Variants in PHAX observed in about 807,000 individuals in gnomAD.
PHAX encodes the protein phosphorylated adapter RNA export protein.
Under a neutral mutation model 41.6 loss-of-function variants are expected in PHAX, and 31 were observed. The ratio of observed to expected loss-of-function variants is 0.75; its 90% confidence interval spans 0.56 to 1.01. The LOEUF is 1.01. Ranked by LOEUF, PHAX falls within the 50% of genes least tolerant of loss-of-function variation. PHAX has a pLI of 0.00. For synonymous variants in PHAX, 175 were observed against 164.9 expected, an observed-to-expected ratio of 1.06 and a Z score of -0.47; for missense variants, 453 against 472.9, an observed-to-expected ratio of 0.96 and a Z score of 0.39.
At chr5:126,601,264 G>A (rs1245454758) in intron 1 of PHAX, among the ~76,000 whole-genome samples, 1 of 152,050 alleles carries the variant, frequency 6.6e-6, no homozygotes, top group Non-Finnish European at 1.5e-5. Context: ...GGGGGCCGAG[G>A]GGCGAGGGGC....
intron 3 of PHAX, among the ~76,000 whole-genome samples, chr5:126,615,211 C>G (rs1015484295): frequency 5.3e-5 from 8 of 151,870 alleles, no homozygotes; most frequent in African/African-American, 1.7e-4. Context: ...ATAGTTATAT[C>G]ATAATTTATA....
chr5:126,615,318 C>T (rs1309541836), intron 3 of PHAX, among the ~76,000 whole-genome samples: 1 of 151,942 alleles, frequency 6.6e-6, no homozygotes, highest in Non-Finnish European at 1.5e-5. Context: ...TATTCATAAC[C>T]TCAAATCAAT....
intron 2 of PHAX, among the ~76,000 whole-genome samples, chr5:126,606,817 A>G (rs1751996795): frequency 7.4e-6 from 1 of 135,802 alleles, no homozygotes; most frequent in South Asian, 2.5e-4. Flanking sequence ...ACGCCCAGAT[A>G]ATTTTTTTTT....
chr5:126,621,430 C>T (rs1752271062), intron 4 of PHAX, among the ~76,000 whole-genome samples: 2 of 151,656 alleles, frequency 1.3e-5, no homozygotes, highest in African/African-American at 4.8e-5. Context: ...TTAAGCAATC[C>T]TCCTGCCTGG....
intron 1 of PHAX, 85 bp downstream of exon 1, chr5:126,601,143 G>A (rs1463722230): frequency 1.9e-5 from 18 of 962,258 alleles, no homozygotes; most frequent in South Asian, 2.8e-5. Context: ...GTGAGGGTGA[G>A]GGGTGGGAGC....
At chr5:126,621,952 A>G (rs916635842) in intron 4 of PHAX, among the ~76,000 whole-genome samples, 6 of 151,998 alleles carry the variant, frequency 3.9e-5, no homozygotes, top group Admixed American at 1.3e-4. Flanking sequence ...GTTTGTTTTT[A>G]TTTTGTTTAT....
At chr5:126,601,325 C>A (rs977281135) in intron 1 of PHAX, among the ~76,000 whole-genome samples, 2 of 151,804 alleles carry the variant, frequency 1.3e-5, no homozygotes, top group Non-Finnish European at 2.9e-5. Flanking sequence ...CTGGCTGCTC[C>A]CTGCGAGGCG....
intron 1 of PHAX, among the ~76,000 whole-genome samples, chr5:126,603,272 A>G (rs1751933346): frequency 1.3e-5 from 2 of 152,170 alleles, no homozygotes; most frequent in South Asian, 4.1e-4. Flanking sequence ...ATTTTAAAAC[A>G]TTCTGACAGT....
intron 1 of PHAX, among the ~76,000 whole-genome samples, chr5:126,601,955 C>A (rs997319587): frequency 2.0e-5 from 3 of 152,196 alleles, no homozygotes; most frequent in Admixed American, 2.0e-4. Context: ...GTGTGAACCA[C>A]GGCGCCCGGC....
rs1173620755 is a variant in PHAX, at chr5:126,626,997, T to G, written c.*2153T>G. On this transcript the variant is annotated 3_prime_UTR_variant, in exon 5 of 5. Transcript: ENST00000297540. Reference sequence around the variant, plus strand: ...TGAAGAAAATAAGGTAGTTTAGACATTCCAAGAGTTAACTATAGTTTACAA... The same window carrying G: ...TGAAGAAAATAAGGTAGTTTAGACAGTCCAAGAGTTAACTATAGTTTACAA... The G allele has an allele frequency of 6.6e-6, 1 of 152,204 alleles. No homozygotes were observed. The highest frequency in any genetic ancestry group is 1.5e-5 in the Non-Finnish European group (1 of 68,032). 9.4% of individuals were successfully genotyped at this position (152,204 alleles called of 1,614,324 possible). A position where few individuals can be genotyped will look rare whatever the true frequency, so the allele number is the denominator to read the frequency against.
rs1193051355 is a variant in PHAX, at chr5:126,607,335, C to CA, written c.711-1024dup. 2.7e-5 allele frequency among the ~76,000 whole-genome samples: 4 copies of CA among 148,478 alleles called. No individual in the cohort carries two copies. The Admixed American group carries it at 2.7e-4, about 10-fold the overall frequency. On this transcript the variant is annotated intron_variant, in intron 2 of 4. Transcript: ENST00000297540. ...TGTTCCTAGTCTATTTCTCTTTCCA[C>CA]AAAAATGCACTGCCTCCTGTTGAGA...
At chr5:126,607,032 T>G (rs1752000792) in intron 2 of PHAX, among the ~76,000 whole-genome samples, 2 of 152,222 alleles carry the variant, frequency 1.3e-5, no homozygotes, top group Non-Finnish European at 2.9e-5. Flanking sequence ...TTCATGTATT[T>G]TTACCAAGTT....
At position 126,603,831 on chromosome 5, in the gene PHAX, G is replaced by C; in HGVS notation, c.358G>C (p.Ala120Pro). The C allele has an allele frequency of 6.2e-7, 1 of 1,614,118 alleles. No individual in the cohort carries two copies. The highest frequency in any genetic ancestry group is 8.5e-7 in the Non-Finnish European group (1 of 1,180,040). Residue 120 changes from alanine to proline, a missense_variant, in exon 2 of 5, where the codon GCT becomes CCT. Ala to Pro is a conservative substitution (Grantham distance 27). Transcript: ENST00000297540. ...AAAGAAGATTAACAACATATGGGGT[G>C]CTGTGCTGCAGGAACAGAATCAAGA... ...GGKKINNIWG[A>P]VLQEQNQDAV...
At chr5:126,612,720 C>A (rs1752122958) in intron 3 of PHAX, among the ~76,000 whole-genome samples, 1 of 151,952 alleles carries the variant, frequency 6.6e-6, no homozygotes, top group African/African-American at 2.4e-5. Context: ...AAAAGAAATG[C>A]ATTTCCTTTC....
In PHAX at chr5:126,626,901, A is replaced by G. The variant is rs1311478713; in HGVS notation, c.*2057A>G. ...ACTCCAGCCTGGGTGACAGAGCAAG[A>G]CTTTGTCTCAAAAATAATAATAGTA... On this transcript the variant is annotated 3_prime_UTR_variant, in exon 5 of 5. Coordinates refer to ENST00000297540, the MANE Select transcript of PHAX (RefSeq NM_032177.4). 6.6e-6 allele frequency: 1 copy of G among 152,226 alleles called. No individual in the cohort carries two copies. Among genetic ancestry groups the G allele is most frequent in the African/African-American group, 2.4e-5 (1 of 41,468 alleles). The allele number at this position is 152,226 out of a possible 1,614,324, so 9.4% of individuals were successfully genotyped here.
Position 126,608,417 on chromosome 5 carries a change from A to G in PHAX, c.764A>G (p.Asn255Ser). The G allele has an allele frequency of 6.2e-7, 1 of 1,614,002 alleles. No individual in the cohort carries two copies. Among genetic ancestry groups the G allele is most frequent in the Non-Finnish European group, 8.5e-7 (1 of 1,179,870 alleles). The change falls in exon 3 of 5, where the codon AAC becomes AGC. Residue 255 changes from asparagine (N) to serine (S), a missense_variant. Transcript: ENST00000297540. ...GCCCGAGTAGTGAGGATTATTGGTA[A>G]CAAAAAGGCAATTGAACTTCTGATG... ...LIARVVRIIG[N>S]KKAIELLMET...
rs567385894 is a variant in PHAX at position 126,613,506 on chromosome 5, T to C, written c.832-3744T>C. The stretch of plus-strand genomic sequence containing the variant: ...GCCTGGGTGACATGGTGAAACCTTA[T>C]CTCTACCAAAAAAATACAAAAATTA... On this transcript the variant is annotated intron_variant, in intron 3 of 4. Transcript: ENST00000297540. 2.0e-5 allele frequency among the ~76,000 whole-genome samples: 3 copies of C among 152,144 alleles called. No individual in the cohort carries two copies. The South Asian group carries it at 6.2e-4, about 32-fold the overall frequency.
At chr5:126,603,484 C>A in intron 1 of PHAX, 86 bp from the exon 2 acceptor site, 1 of 1,425,912 alleles carries the variant, frequency 7.0e-7, no homozygotes, top group Non-Finnish European at 9.5e-7. Flanking sequence ...TTTGGAATGG[C>A]AAAGTTGAAT....
chr5:126,618,078 A>G (rs572081766), intron 4 of PHAX, among the ~76,000 whole-genome samples: 178 of 151,640 alleles, frequency 1.2e-3, no homozygotes, highest in Middle Eastern at 3.4e-3. Context: ...CTCAGCCTCC[A>G]GAGTAACTGG....
Sources: gnomAD v4.1 joint callset for allele counts (sites outside exome capture counted in the v4.1 genomes callset) on GRCh38, gnomAD v4.1.1 for gene constraint, MANE v1.5 for transcripts, NCBI Gene and HGNC (gene_info 2026-07-23, HGNC 2026-07-21) for gene names.